RFT1: variants seen among roughly 807,000 people sequenced by gnomAD.
RFT1 encodes RFT1 glycolipid translocator homolog, also known as man(5)GlcNAc(2)-PP-dolichol translocation protein RFT1.
A neutral mutation model predicts 62.2 loss-of-function variants in RFT1; 43 were observed. That is an observed-to-expected ratio of 0.69 (90% confidence interval 0.54 to 0.89). The LOEUF is 0.89. Among genes scored for constraint, RFT1 ranks in the 40% least tolerant of loss-of-function variants. The pLI, the probability that RFT1 is intolerant of heterozygous loss-of-function variation, is 0.00. For missense variants in RFT1, 605 were observed against 649.9 expected (o/e 0.93, Z 0.75); for synonymous variants, 262 against 264.6 (o/e 0.99, Z 0.10).
At chr3:53,121,516 C>T (rs550074137) in intron 5 of RFT1, among the ~76,000 whole-genome samples, 183 bp downstream of exon 5, 20 of 152,340 alleles carry the variant, frequency 1.3e-4, no homozygotes, top group Non-Finnish European at 1.9e-4. Flanking sequence ...CCTACGGTCT[C>T]AGTGTATGGA....
At chr3:53,099,542 C>T in intron 10 of RFT1, 56 bp from the exon 11 acceptor site, 2 of 1,363,400 alleles carry the variant, frequency 1.5e-6, no homozygotes. Context: ...CCCACATGTA[C>T]CCTCAGTGCT....
the RFT1 span, among the ~76,000 whole-genome samples, chr3:53,078,488 C>A: frequency 3.9e-5 from 6 of 152,100 alleles, no homozygotes; most frequent in African/African-American, 1.4e-4. Flanking sequence ...GTGGCTCACG[C>A]CTGTAATCCC....
At chr3:53,114,431 G>C (rs1296694157) in intron 6 of RFT1, among the ~76,000 whole-genome samples, 1 of 152,136 alleles carries the variant, frequency 6.6e-6, no homozygotes, top group Non-Finnish European at 1.5e-5. Context: ...AATGCCTTTG[G>C]TTTAAATGGG....
intron 4 of RFT1, 66 bp from the exon 5 acceptor site, chr3:53,121,866 TAGAC>T (rs1465304173): frequency 1.0e-5 from 14 of 1,351,568 alleles, no homozygotes; most frequent in Middle Eastern, 1.8e-4. Context: ...AATGGAATGA[TAGAC>T]AGAAAATCTA....
At chr3:53,072,215 G>A in the RFT1 span, among the ~76,000 whole-genome samples, 3 of 152,146 alleles carry the variant, frequency 2.0e-5, no homozygotes, top group Non-Finnish European at 2.9e-5. Context: ...ACAGGAGGTC[G>A]TCTCTACATG....
intron 11 of RFT1, 62 bp from the exon 12 acceptor site, chr3:53,092,680 A>T: frequency 6.4e-7 from 1 of 1,562,592 alleles, no homozygotes; most frequent in Admixed American, 1.9e-5. Context: ...GCTGCTCCCA[A>T]AACAGCGGCC....
intron 6 of RFT1, among the ~76,000 whole-genome samples, chr3:53,115,347 GA>G (rs1168834084): frequency 6.6e-6 from 1 of 151,670 alleles, no homozygotes; most frequent in Non-Finnish European, 1.5e-5. Context: ...AGGACTGAAT[GA>G]AAAAAAATAA....
At chr3:53,071,067 A>AT in the RFT1 span, among the ~76,000 whole-genome samples, 2 of 151,918 alleles carry the variant, frequency 1.3e-5, no homozygotes, top group African/African-American at 2.4e-5. Context: ...AAATTCTGGA[A>AT]TTTTTTGTAG....
the RFT1 span, among the ~76,000 whole-genome samples, chr3:53,081,530 G>A: frequency 0.035 from 5,325 of 152,208 alleles, 320 homozygotes; most frequent in African/African-American, 0.12. Flanking sequence ...TCCCATTTCT[G>A]TTCTCCTTTC....
At chr3:53,092,846 ATTAG>A (rs566991812) in intron 11 of RFT1, among the ~76,000 whole-genome samples, 26 of 152,320 alleles carry the variant, frequency 1.7e-4, no homozygotes, top group Admixed American at 1.3e-3. Context: ...GAAGACAATA[ATTAG>A]TTAGTTAAGC....
At position 53,125,929 on chromosome 3, in the gene RFT1, G is replaced by C. The variant is rs148510042; in HGVS notation, c.129C>G (p.Ile43Met). Residue 43 changes from isoleucine (I) to methionine (M), a missense_variant, in exon 2 of 13, where the codon ATC becomes ATG. Ile to Met is a conservative substitution (Grantham distance 10, BLOSUM62 1). Transcript: ENST00000296292. ...AFILRFLSKE[I>M]VGVVNVRLTL... ...CCTACCTTACATTTACTACGCCAAC[G>C]ATTTCCTTTGACAGGAAGCGAAGAA... 1 of 1,613,502 alleles carries C rather than the reference G, an allele frequency of 6.2e-7. No homozygotes were observed. Among genetic ancestry groups the C allele is most frequent in the Admixed American group, 1.7e-5 (1 of 59,968 alleles).
intron 11 of RFT1, among the ~76,000 whole-genome samples, chr3:53,098,385 G>A (rs910663295): frequency 2.6e-5 from 4 of 152,044 alleles, no homozygotes; most frequent in Middle Eastern, 3.4e-3. Flanking sequence ...ATGAGCCAGC[G>A]CAGGAAAGGA....
intron 8 of RFT1, among the ~76,000 whole-genome samples, chr3:53,106,195 T>G (rs765966260): frequency 6.6e-6 from 1 of 151,974 alleles, no homozygotes; most frequent in Non-Finnish European, 1.5e-5. Context: ...ATGGTACCAC[T>G]GCACTCCAGC....
At chr3:53,106,932 C>T in intron 7 of RFT1, 63 bp from the exon 8 acceptor site, 1 of 1,241,136 alleles carries the variant, frequency 8.1e-7, no homozygotes, top group Non-Finnish European at 1.2e-6. Context: ...TGTTTCCTTT[C>T]TCTCACCAGC....
At position 53,121,719 on chromosome 3, in the gene RFT1, A is replaced by G. The variant is rs772980391; in HGVS notation, c.538T>C (p.Tyr180His). 2.2e-5 allele frequency: 36 copies of G among 1,613,716 alleles called. No homozygotes were observed. In the South Asian group the frequency reaches 3.6e-4, roughly 16 times the overall value. The change falls in exon 5 of 13, where the codon TAC becomes CAC. Residue 180 changes from tyrosine to histidine, a missense_variant. Tyr to His is a moderately conservative substitution (Grantham distance 83). Coordinates refer to ENST00000296292, the MANE Select transcript of RFT1 (RefSeq NM_052859.4). ...CTTACCTGGGCCAAAGAGAAAATGT[A>G]CAATCCCCAGTGAGGCAACCACAGC... ...LVLWLPHWGL[Y>H]IFSLAQLFYT...
At position 53,125,958 on chromosome 3, in the gene RFT1, AT is replaced by A; in HGVS notation, c.99del (p.Phe34LeufsTer13). ...LFRLITFVLN[A>X]FILRFLSKEI... ...TCCTTTGACAGGAAGCGAAGAATAA[AT>A]GCATTCAAGACAAAGGTGATCAACC... On this transcript the variant is annotated frameshift_variant, in exon 2 of 13. Transcript: ENST00000296292. LOFTEE classifies it high-confidence loss of function. 2 of 1,613,930 alleles carry A rather than the reference AT, an allele frequency of 1.2e-6. No homozygotes were observed. The highest frequency in any genetic ancestry group is 1.7e-6 in the Non-Finnish European group (2 of 1,179,828).
At chr3:53,113,011 G>T (rs1371113309) in intron 6 of RFT1, among the ~76,000 whole-genome samples, 1 of 152,034 alleles carries the variant, frequency 6.6e-6, no homozygotes, top group East Asian at 1.9e-4. Context: ...TAGGTGTTTG[G>T]TTTTTTGTTT....
chr3:53,099,504 A>C lies in RFT1; in HGVS notation c.1103-18T>G. On this transcript the variant is annotated intron_variant, in intron 10 of 12. Coordinates refer to ENST00000296292, the MANE Select transcript of RFT1 (RefSeq NM_052859.4). ...AACAGGACCTACAAGGAAACAACTC[A>C]CTGAGACTCCAGAGCCCAATCAGAA... 331 of 1,601,984 alleles carry C rather than the reference A, an allele frequency of 2.1e-4. No individual in the cohort carries two copies. The highest frequency in any genetic ancestry group is 2.6e-4 in the Non-Finnish European group (306 of 1,169,214).
intron 9 of RFT1, 40 bp downstream of exon 9, chr3:53,105,633 G>A: frequency 1.2e-6 from 2 of 1,608,580 alleles, no homozygotes; most frequent in East Asian, 2.2e-5. Context: ...GCAATTAAAG[G>A]GAGAATTCAC....
Sources: allele counts gnomAD v4.1 joint callset (sites outside exome capture counted in the v4.1 genomes callset), GRCh38; gene constraint gnomAD v4.1.1; transcripts MANE v1.5; gene names NCBI Gene and HGNC (gene_info 2026-07-23, HGNC 2026-07-21).